The following TSPAN32 variants were observed in gnomAD, a reference collection of about 807,000 sequenced individuals.
TSPAN32 encodes the protein tetraspanin-32.
Under a neutral mutation model 42.7 loss-of-function variants are expected in TSPAN32, and 47 were observed. The ratio of observed to expected loss-of-function variants is 1.10; its 90% confidence interval spans 0.87 to 1.40. The LOEUF (loss-of-function observed/expected upper bound fraction) is 1.40, where lower values mean the gene tolerates loss of function less well. TSPAN32 is among the 40% of genes most tolerant of loss of function. The pLI is 0.00. For synonymous variants in TSPAN32, 175 were observed against 175.9 expected (o/e 0.99, Z 0.04); for missense variants, 469 against 424.1 (o/e 1.11, Z -0.93).
intron 6 of TSPAN32, chr11:2,315,957 T>C: frequency 3.9e-6 from 6 of 1,529,126 alleles, no homozygotes; most frequent in Non-Finnish European, 5.3e-6. Context: ...TGGCCCAACA[T>C]GGACGCTCAG....
At position 2,304,064 on chromosome 11, in the gene TSPAN32, G is replaced by A. The variant is rs373731340; in HGVS notation, c.182-43G>A. The stretch of plus-strand genomic sequence containing the variant: ...CCCAGGCTGTGTGCACTCAGGACCT[G>A]TCCTGGGCACCCCTAACCCTCCTCC... On this transcript the variant is annotated intron_variant, in intron 2 of 9. Transcript: ENST00000182290. This position sits in a 1 kb window ranked among gnomAD's most constrained non-coding sequence, Gnocchi z 4.8. The A allele has an allele frequency of 2.7e-6, 4 of 1,492,418 alleles. No homozygotes were observed. The highest frequency in any genetic ancestry group is 1.7e-4 in the Middle Eastern group (1 of 5,888). 92.4% of individuals were successfully genotyped at this position (1,492,418 alleles called of 1,614,324 possible). A position where few individuals can be genotyped will look rare whatever the true frequency, so the allele number is the denominator to read the frequency against.
chr11:2,307,912 C>T (rs1440727046), intron 3 of TSPAN32, among the ~76,000 whole-genome samples: 1 of 152,166 alleles, frequency 6.6e-6, no homozygotes, highest in Non-Finnish European at 1.5e-5. Flanking sequence ...AGGCACCACA[C>T]CTGTCCCAAG....
At position 2,302,958 on chromosome 11, in the gene TSPAN32, G is replaced by A. The variant is rs748434290; in HGVS notation, c.181G>A (p.Ala61Thr). The A allele has an allele frequency of 1.9e-5, 31 of 1,612,774 alleles. 1 individual carries two copies. In the Admixed American group the frequency reaches 3.7e-4, roughly 19 times the overall value. Residue 61 changes from alanine to threonine, a missense_variant and splice_region_variant, in exon 2 of 10, where the codon GCC becomes ACC. Coordinates refer to ENST00000182290, the MANE Select transcript of TSPAN32 (RefSeq NM_139022.3). Reference protein sequence around the residue: ...KNPYQAVHQWAFSAGLSLVGL... With the variant: ...KNPYQAVHQWTFSAGLSLVGL... ...CCCGTACCAGGCTGTGCACCAATGG[G>A]GTAAGTGAGGTCCAGGCCTGGCTGC... is the stretch of plus-strand genomic sequence containing the variant.
chr11:2,302,182 ATGCC>A lies in TSPAN32; in HGVS notation c.34_37del (p.Cys12ArgfsTer20). The A allele has an allele frequency of 7.2e-7, 1 of 1,398,534 alleles. No homozygotes were observed. Among genetic ancestry groups the A allele is most frequent in the Non-Finnish European group, 9.3e-7 (1 of 1,069,810 alleles). 86.6% of individuals were successfully genotyped at this position (1,398,534 alleles called of 1,614,324 possible). A position where few individuals can be genotyped will look rare whatever the true frequency, so the allele number is the denominator to read the frequency against. Reference sequence around the variant, plus strand: ...CTTGGAGTCGAGTCAGGGTTGCCAAATGCCAGATGCTGGTCACCTGCTTCTTTAT... The same window carrying A: ...CTTGGAGTCGAGTCAGGGTTGCCAAAAGATGCTGGTCACCTGCTTCTTTAT... On this transcript the variant is annotated frameshift_variant, in exon 1 of 10. Coordinates refer to ENST00000182290, the MANE Select transcript of TSPAN32 (RefSeq NM_139022.3). LOFTEE classifies it high-confidence loss of function.
intron 3 of TSPAN32, among the ~76,000 whole-genome samples, chr11:2,305,960 C>T (rs4930078): frequency 0.26 from 39,724 of 151,986 alleles, 6,011 homozygotes; most frequent in Non-Finnish European, 0.35. Context: ...GAGGGTGAGC[C>T]TATGTGTATG....
intron 4 of TSPAN32, among the ~76,000 whole-genome samples, chr11:2,310,192 C>T (rs1341097874): frequency 1.3e-5 from 2 of 152,256 alleles, no homozygotes; most frequent in African/African-American, 2.4e-5. Context: ...CAGGGTTCCC[C>T]GGGCTCGTCT....
At chr11:2,316,352 G>GC (rs1238619464) in intron 7 of TSPAN32, 40 bp downstream of exon 7, 2 of 1,563,440 alleles carry the variant, frequency 1.3e-6, no homozygotes, top group African/African-American at 2.7e-5. Context: ...CCCACCTCCT[G>GC]CCCCTCAGCC....
chr11:2,315,148 GC>G lies in TSPAN32; in HGVS notation c.543+580del, dbSNP rs1024373031. 5 of 765,852 alleles carry G rather than the reference GC, an allele frequency of 6.5e-6. No homozygotes were observed. In the African/African-American group the frequency reaches 7.8e-5, roughly 12 times the overall value. The allele number at this position is 765,852 out of a possible 1,614,324, so 47.4% of individuals were successfully genotyped here. A position where few individuals can be genotyped will look rare whatever the true frequency, so the allele number is the denominator to read the frequency against. On this transcript the variant is annotated intron_variant, in intron 6 of 9. Transcript: ENST00000182290. ...TGGGCCCTCCTCTCTTTCTCCTGGT[GC>G]CCGGCAGCCCTCCCCCAGCCCACCC...
Position 2,302,224 on chromosome 11 carries a change from C to G in TSPAN32, c.66+9C>G. 3 of 1,384,550 alleles carry G rather than the reference C, an allele frequency of 2.2e-6. No individual in the cohort carries two copies. Among genetic ancestry groups the G allele is most frequent in the South Asian group, 4.0e-5 (2 of 50,498 alleles). The allele number at this position is 1,384,550 out of a possible 1,614,324, so 85.8% of individuals were successfully genotyped here. A position where few individuals can be genotyped will look rare whatever the true frequency, so the allele number is the denominator to read the frequency against. Reference sequence around the variant, plus strand: ...CCTGCTTCTTTATCTTGGTAACAGGCAGGTCGGGCAGGAGTGGGTGGTGGG... The same window carrying G: ...CCTGCTTCTTTATCTTGGTAACAGGGAGGTCGGGCAGGAGTGGGTGGTGGG... On this transcript the variant is annotated intron_variant, in intron 1 of 9. Coordinates refer to ENST00000182290, the MANE Select transcript of TSPAN32 (RefSeq NM_139022.3).
intron 6 of TSPAN32, chr11:2,315,207 CCCCTACTGTCCTGGAAACAAACCCA>C: frequency 8.7e-7 from 1 of 1,154,846 alleles, no homozygotes; most frequent in Non-Finnish European, 1.1e-6. Context: ...CCGCTCCCCT[CCCCTACTGTCCTGGAAACAAACCCA>C]CCCTATCTCA....
chr11:2,306,716 C>T (rs1848111621), intron 3 of TSPAN32, among the ~76,000 whole-genome samples: 1 of 149,802 alleles, frequency 6.7e-6, no homozygotes, highest in Non-Finnish European at 1.5e-5. Flanking sequence ...GGCCCTCAGC[C>T]AGCAAGGAGG....
rs573708127 is a variant in TSPAN32 at position 2,309,114 on chromosome 11, G to A, written c.354+304G>A. Among the ~76,000 whole-genome samples the A allele has an allele frequency of 5.3e-5, 8 of 152,192 alleles. 1 individual carries two copies. The Middle Eastern group carries it at 0.014, about 262-fold the overall frequency. Reference sequence around the variant, plus strand: ...ACCCCCTCCTGAGCTGATGCCCCTCGGGTTTGAGGGAGGGAATGAGGAGGA... The same window carrying A: ...ACCCCCTCCTGAGCTGATGCCCCTCAGGTTTGAGGGAGGGAATGAGGAGGA... On this transcript the variant is annotated intron_variant, in intron 4 of 9. Coordinates refer to ENST00000182290, the MANE Select transcript of TSPAN32 (RefSeq NM_139022.3).
At chr11:2,306,044 C>CTGTGTGTGTG (rs1407139268) in intron 3 of TSPAN32, among the ~76,000 whole-genome samples, 1 of 40,852 alleles carries the variant, frequency 2.4e-5, no homozygotes, top group East Asian at 3.5e-4. Context: ...GTGCAGGTGC[C>CTGTGTGTGTG]TCTGTGTGTG....
chr11:2,311,435 C>T (rs554533931), intron 4 of TSPAN32, among the ~76,000 whole-genome samples: 102 of 152,296 alleles, frequency 6.7e-4, no homozygotes, highest in African/African-American at 2.3e-3. Context: ...TGTGCCCTGA[C>T]GAGTCTGCTT....
intron 4 of TSPAN32, chr11:2,309,452 C>T (rs1044672969): frequency 9.1e-6 from 4 of 440,724 alleles, no homozygotes; most frequent in African/African-American, 8.0e-5. Flanking sequence ...CCTGGCCCAG[C>T]AGAGAATGAG....
Position 2,316,608 on chromosome 11 carries a change from G to C in TSPAN32, c.660G>C (p.Trp220Cys). 6.4e-7 allele frequency: 1 copy of C among 1,556,970 alleles called. No homozygotes were observed. Among genetic ancestry groups the C allele is most frequent in the Non-Finnish European group, 8.7e-7 (1 of 1,149,228 alleles). The change falls in exon 8 of 10, where the codon TGG (tryptophan) becomes TGC (cysteine). Residue 220 changes from tryptophan to cysteine, a missense_variant. Transcript: ENST00000182290. ...VSALLFSSFL[W>C]FAIRCGCSLD... is the part of the protein sequence containing the mutation. ...CCTTGCTCTTCAGCTCCTTCCTGTG[G>C]TTTGCCATCCGCTGTGGCTGCAGCT...
Position 2,309,571 on chromosome 11 carries a change from G to A in TSPAN32, c.354+761G>A, listed in dbSNP as rs78942521. ...ACAGCCACGGGCAGGGTCATGGAGT[G>A]GGGCAGGAGAGCCTGGCAGGTCACA... On this transcript the variant is annotated intron_variant, in intron 4 of 9. Transcript: ENST00000182290. 3.8e-3 allele frequency: 1,202 copies of A among 317,976 alleles called. 3 individuals carry two copies. The highest frequency in any genetic ancestry group is 7.1e-3 in the Middle Eastern group (6 of 848). The allele number at this position is 317,976 out of a possible 1,614,324, so 19.7% of individuals were successfully genotyped here. A position where few individuals can be genotyped will look rare whatever the true frequency, so the allele number is the denominator to read the frequency against.
Position 2,313,566 on chromosome 11 carries a change from C to T in TSPAN32, c.355-88C>T. The stretch of plus-strand genomic sequence containing the variant: ...TGGGACGTCACTCAGCACTAAGGGC[C>T]CACTAGCGTTTGGGATGTCGTGGGG... On this transcript the variant is annotated intron_variant, in intron 4 of 9. Transcript: ENST00000182290. This position sits in a 1 kb window ranked among gnomAD's most constrained non-coding sequence, Gnocchi z 9.1. The T allele has an allele frequency of 9.6e-7, 1 of 1,040,498 alleles. No individual in the cohort carries two copies. The highest frequency in any genetic ancestry group is 1.4e-6 in the Non-Finnish European group (1 of 701,290). 64.5% of individuals were successfully genotyped at this position (1,040,498 alleles called of 1,614,324 possible).
At chr11:2,306,297 T>C (rs1258890624) in intron 3 of TSPAN32, among the ~76,000 whole-genome samples, 1 of 152,028 alleles carries the variant, frequency 6.6e-6, no homozygotes, top group Non-Finnish European at 1.5e-5. Context: ...CTCCCCTAGC[T>C]GGCCTCTCGC....
Sources: allele counts gnomAD v4.1 joint callset (sites outside exome capture counted in the v4.1 genomes callset), GRCh38; gene constraint gnomAD v4.1.1; non-coding constraint Gnocchi (gnomAD v3.1); transcripts MANE v1.5; gene names NCBI Gene and HGNC (gene_info 2026-07-23, HGNC 2026-07-21).